Variants in FLNB observed in about 807,000 individuals in gnomAD.
FLNB encodes filamin B, also known as filamin-B.
In FLNB, 111 loss-of-function variants were observed where a neutral mutation model predicts 250.6. The observed-to-expected ratio is 0.44, with a 90% CI of 0.38 to 0.52. The LOEUF (loss-of-function observed/expected upper bound fraction) is 0.52, where lower values mean the gene tolerates loss of function less well. Ranked by LOEUF, FLNB falls within the 20% of genes least tolerant of loss-of-function variation. The pLI is 0.00. For synonymous variants in FLNB, 1,302 were observed against 1,372.1 expected, an observed-to-expected ratio of 0.95 and a Z score of 1.13; for missense variants, 2,869 against 3,447.8, an observed-to-expected ratio of 0.83 and a Z score of 4.20.
intron 1 of FLNB, among the ~76,000 whole-genome samples, chr3:58,028,113 T>G (rs761770715): frequency 6.6e-6 from 1 of 152,338 alleles, no homozygotes; most frequent in Non-Finnish European, 1.5e-5. Flanking sequence ...TGCCTGAGTG[T>G]GACCAAGAGC....
intron 24 of FLNB, among the ~76,000 whole-genome samples, chr3:58,126,985 G>T (rs1005817782): frequency 2.6e-5 from 4 of 152,150 alleles, no homozygotes; most frequent in African/African-American, 9.7e-5. Flanking sequence ...AAACAGTTGT[G>T]CGTGTGTTGG....
chr3:58,039,443 G>T (rs985933496), intron 1 of FLNB, among the ~76,000 whole-genome samples: 1 of 152,052 alleles, frequency 6.6e-6, no homozygotes, highest in Non-Finnish European at 1.5e-5. Context: ...ATTTCATTTC[G>T]TGATGGGAAA....
At chr3:58,137,671 G>C (rs551247475) in intron 28 of FLNB, among the ~76,000 whole-genome samples, 7 of 152,300 alleles carry the variant, frequency 4.6e-5, no homozygotes, top group Non-Finnish European at 8.8e-5. Flanking sequence ...AGAGAGACTG[G>C]TCACTGGGGA....
In FLNB at chr3:58,169,594, G is replaced by A; in HGVS notation, c.7422G>A (p.Gln2474=). The stretch of plus-strand genomic sequence containing the variant: ...CCCCTCCCTCCTGTATCTTAGGCCA[G>A]CGTCTAGTTAGCCCTGGCTCAGCCA... ...GSPFKAKVTG[Q]RLVSPGSANE... The change falls in exon 45 of 46, where the codon CAG becomes CAA. Residue 2474 remains glutamine, a synonymous_variant. Transcript: ENST00000295956. This position sits in a 1 kb window ranked among gnomAD's most constrained non-coding sequence, Gnocchi z 4.8. 1 of 1,613,950 alleles carries A rather than the reference G, an allele frequency of 6.2e-7. No individual in the cohort carries two copies. Among genetic ancestry groups the A allele is most frequent in the Non-Finnish European group, 8.5e-7 (1 of 1,179,824 alleles).
At chr3:58,034,531 T>A (rs965062893) in intron 1 of FLNB, among the ~76,000 whole-genome samples, 6 of 152,026 alleles carry the variant, frequency 3.9e-5, no homozygotes, top group African/African-American at 4.8e-5. Context: ...ATTCTAACAC[T>A]CCACCATTTT....
intron 38 of FLNB, chr3:58,152,721 G>A: frequency 7.5e-7 from 1 of 1,327,646 alleles, no homozygotes; most frequent in Middle Eastern, 2.1e-4. Flanking sequence ...TCAGAGTCAT[G>A]AACTGCTCTG....
In FLNB at chr3:58,155,991, T is replaced by C. The variant is rs2097352762; in HGVS notation, c.6804T>C (p.Asp2268=). 1 of 1,614,088 alleles carries C rather than the reference T, an allele frequency of 6.2e-7. No individual in the cohort carries two copies. Among genetic ancestry groups the C allele is most frequent in the Non-Finnish European group, 8.5e-7 (1 of 1,179,934 alleles). ...ACGAGGTGTCCATCAAGTTCAATGA[T>C]GAGCACATCCCGGAAAGCCCCTACC... The part of the protein sequence containing the change: ...GNYEVSIKFN[D]EHIPESPYLV... Residue 2268 remains aspartate, a synonymous_variant, in exon 41 of 46, where the codon GAT becomes GAC. Coordinates refer to ENST00000295956, the MANE Select transcript of FLNB (RefSeq NM_001457.4).
chr3:58,024,333 A>T (rs898681491), intron 1 of FLNB, among the ~76,000 whole-genome samples: 43 of 152,326 alleles, frequency 2.8e-4, no homozygotes, highest in African/African-American at 1.0e-3. Context: ...ATCGAAGATA[A>T]AATGATATAA....
At chr3:58,154,103 A>C (rs1306810056) in intron 39 of FLNB, among the ~76,000 whole-genome samples, 2 of 152,194 alleles carry the variant, frequency 1.3e-5, no homozygotes, top group Admixed American at 1.3e-4. Context: ...TTTTTATTTA[A>C]TATCTTTTTC....
At chr3:58,025,841 G>A (rs980843114) in intron 1 of FLNB, among the ~76,000 whole-genome samples, 17 of 152,158 alleles carry the variant, frequency 1.1e-4, no homozygotes, top group African/African-American at 2.4e-4. Flanking sequence ...CAGGAAAATC[G>A]CTAGAACCTG....
chr3:58,017,891 T>C (rs987332125), intron 1 of FLNB, among the ~76,000 whole-genome samples: 21 of 152,194 alleles, frequency 1.4e-4, no homozygotes, highest in African/African-American at 5.1e-4. Context: ...GACTGAGTTA[T>C]TGTGACAGAG....
At chr3:58,103,887 T>C in intron 9 of FLNB, 72 bp from the exon 10 acceptor site, 1 of 1,590,648 alleles carries the variant, frequency 6.3e-7, no homozygotes, top group Non-Finnish European at 8.6e-7. Context: ...GCTGCCTCTC[T>C]GTTCTTGTCC....
chr3:58,100,364 TAA>T (rs1553696183), intron 8 of FLNB, among the ~76,000 whole-genome samples: 2 of 25,520 alleles, frequency 7.8e-5, no homozygotes, highest in African/African-American at 7.7e-4. Context: ...TTTACATATG[TAA>T]AAAAAAAATA....
intron 1 of FLNB, among the ~76,000 whole-genome samples, chr3:58,034,926 C>T (rs1460166130): frequency 2.0e-5 from 3 of 152,170 alleles, no homozygotes; most frequent in Non-Finnish European, 4.4e-5. Flanking sequence ...TGTGATTGGA[C>T]CAGCCTATGT....
chr3:58,120,613 G>A (rs188288757), intron 19 of FLNB, among the ~76,000 whole-genome samples: 47 of 152,258 alleles, frequency 3.1e-4, no homozygotes, highest in African/African-American at 1.1e-3. Flanking sequence ...TGCTTCAATC[G>A]GCTCGCATTT....
chr3:58,046,697 G>A (rs2097154838), intron 1 of FLNB, among the ~76,000 whole-genome samples: 2 of 152,182 alleles, frequency 1.3e-5, no homozygotes, highest in South Asian at 2.1e-4. Context: ...GCCTCCCAAA[G>A]TGTTGGGATT....
intron 1 of FLNB, among the ~76,000 whole-genome samples, chr3:58,019,130 C>T (rs1021054754): frequency 2.0e-5 from 3 of 152,022 alleles, no homozygotes; most frequent in Non-Finnish European, 4.4e-5. Context: ...GAGTGAGACC[C>T]GTTTCTAAAA....
intron 38 of FLNB, among the ~76,000 whole-genome samples, chr3:58,151,634 C>T (rs1453959706): frequency 1.3e-5 from 2 of 152,236 alleles, no homozygotes; most frequent in African/African-American, 4.8e-5. Flanking sequence ...TAGACATCCA[C>T]ATCATCTCTT....
chr3:58,079,418 A>G (rs2097206040), intron 3 of FLNB, among the ~76,000 whole-genome samples: 1 of 151,932 alleles, frequency 6.6e-6, no homozygotes, highest in Non-Finnish European at 1.5e-5. Context: ...ACACCTGGCT[A>G]ATTTTTGTAT....
Sources: gnomAD v4.1 joint callset for allele counts (sites outside exome capture counted in the v4.1 genomes callset) on GRCh38, gnomAD v4.1.1 for gene constraint, Gnocchi (gnomAD v3.1) non-coding constraint, MANE v1.5 for transcripts, NCBI Gene and HGNC (gene_info 2026-07-23, HGNC 2026-07-21) for gene names.